Variants in C3orf70 observed in about 807,000 individuals in gnomAD.
C3orf70 encodes the protein chromosome 3 open reading frame 70.
C3orf70 carries 15 observed loss-of-function variants against 20.7 expected under a neutral mutation model. The ratio of observed to expected loss-of-function variants is 0.72; its 90% CI spans 0.48 to 1.11. C3orf70 has a LOEUF of 1.11. Among genes scored for constraint, C3orf70 ranks in the 50% most tolerant of loss-of-function variants. The pLI, the probability that C3orf70 is intolerant of heterozygous loss-of-function variation, is 0.00. For synonymous variants in C3orf70, 161 were observed against 125.7 expected, an observed-to-expected ratio of 1.28 and a Z score of -1.88; for missense variants, 332 against 317.6, an observed-to-expected ratio of 1.05 and a Z score of -0.34.
intron 1 of C3orf70, among the ~76,000 whole-genome samples, chr3:185,151,679 A>C (rs1716992551): frequency 6.6e-6 from 1 of 152,216 alleles, no homozygotes. Flanking sequence ...TTTTCTCAAC[A>C]AAGAAAAATT....
chr3:185,148,500 A>G (rs1042138978), intron 1 of C3orf70, among the ~76,000 whole-genome samples: 1 of 152,150 alleles, frequency 6.6e-6, no homozygotes, highest in African/African-American at 2.4e-5. Context: ...ATACACTCTT[A>G]TCTCCACCTC....
rs184278836 is a variant in C3orf70, at chr3:185,128,652, C to T, written c.196+23976G>A. Among the ~76,000 whole-genome samples, 5 of 151,634 alleles carry T rather than the reference C, an allele frequency of 3.3e-5. No homozygotes were observed. The South Asian group carries it at 8.4e-4, about 26-fold the overall frequency. Reference sequence around the variant, plus strand: ...TTGAAGGCTACTTAGTCCAGAAAAACATAACTTTGTTTTATGATAATGTTG... The same window carrying T: ...TTGAAGGCTACTTAGTCCAGAAAAATATAACTTTGTTTTATGATAATGTTG... On this transcript the variant is annotated intron_variant, in intron 1 of 1. Coordinates refer to ENST00000335012, the MANE Select transcript of C3orf70 (RefSeq NM_001025266.3).
At chr3:185,118,454 G>T (rs1006186564) in intron 1 of C3orf70, among the ~76,000 whole-genome samples, 16 of 152,122 alleles carry the variant, frequency 1.1e-4, no homozygotes, top group Non-Finnish European at 1.3e-4. Flanking sequence ...AATGACAAGG[G>T]CTGTGTCTTT....
rs201135656 is a variant in C3orf70 at position 185,117,446 on chromosome 3, C to G, written c.197-33883G>C. 1.0e-3 allele frequency among the ~76,000 whole-genome samples: 132 copies of G among 132,172 alleles called. 2 individuals carry two copies. Among genetic ancestry groups the G allele is most frequent in the African/African-American group, 4.1e-3 (117 of 28,882 alleles). 86.7% of individuals were successfully genotyped at this position (132,172 alleles called of 152,430 possible). A position where few individuals can be genotyped will look rare whatever the true frequency, so the allele number is the denominator to read the frequency against. On this transcript the variant is annotated intron_variant, in intron 1 of 1. Transcript: ENST00000335012. Reference sequence around the variant, plus strand: ...ACACACACACACACACACACACACACACACAGAAAGAGAGAGAGAGAGAGA... The same window carrying G: ...ACACACACACACACACACACACACAGACACAGAAAGAGAGAGAGAGAGAGA...
chr3:185,095,210 A>G (rs549875384), intron 1 of C3orf70, among the ~76,000 whole-genome samples: 2 of 152,358 alleles, frequency 1.3e-5, no homozygotes, highest in Admixed American at 6.5e-5. Context: ...CTTCTCTGCA[A>G]AAATCACTAG....
chr3:185,097,514 C>G (rs529680170), intron 1 of C3orf70, among the ~76,000 whole-genome samples: 1 of 152,280 alleles, frequency 6.6e-6, no homozygotes, highest in South Asian at 2.1e-4. Flanking sequence ...AAAGAACAAG[C>G]TTAGGAAAAG....
At chr3:185,095,050 A>T (rs897203732) in intron 1 of C3orf70, among the ~76,000 whole-genome samples, 1 of 152,222 alleles carries the variant, frequency 6.6e-6, no homozygotes, top group Non-Finnish European at 1.5e-5. Context: ...TGTTGTTACA[A>T]GGAGAGAAAA....
chr3:185,113,285 C>CAAAAAAAA (rs55966497), intron 1 of C3orf70, among the ~76,000 whole-genome samples: 109,030 of 138,050 alleles, frequency 0.79, 43,142 homozygotes, highest in East Asian at 0.88. Context: ...CTAAAAAATA[C>CAAAAAAAA]AAAAAAGAAA....
rs1332637068 is a variant in C3orf70, at chr3:185,077,097, T to C, written c.*5910A>G. ...AAGAAGCAATGGCCTCATCAGAGCATAGAGATATTTGCAGAGACATGGTAT... is the reference window on the plus strand; with the variant it reads ...AAGAAGCAATGGCCTCATCAGAGCACAGAGATATTTGCAGAGACATGGTAT... On this transcript the variant is annotated 3_prime_UTR_variant, in exon 2 of 2. Transcript: ENST00000335012. Among the ~76,000 whole-genome samples, 6 of 151,600 alleles carry C rather than the reference T, an allele frequency of 4.0e-5. No homozygotes were observed. Among genetic ancestry groups the C allele is most frequent in the Non-Finnish European group, 7.4e-5 (5 of 67,944 alleles).
intron 1 of C3orf70, among the ~76,000 whole-genome samples, chr3:185,146,084 T>C (rs1716869258): frequency 6.6e-6 from 1 of 151,988 alleles, no homozygotes; most frequent in South Asian, 2.1e-4. Context: ...GCTTTCTCTG[T>C]CTCTGGAAGA....
intron 1 of C3orf70, among the ~76,000 whole-genome samples, chr3:185,131,594 G>A (rs565257862): frequency 8.4e-4 from 128 of 152,218 alleles, no homozygotes; most frequent in Non-Finnish European, 1.6e-3. Flanking sequence ...GGTATACCAG[G>A]CAACCTGAAT....
chr3:185,124,703 T>C (rs1716372572), intron 1 of C3orf70, among the ~76,000 whole-genome samples: 1 of 152,094 alleles, frequency 6.6e-6, no homozygotes, highest in South Asian at 2.1e-4. Context: ...CATTACAATG[T>C]AAAACTCCTC....
At chr3:185,147,307 C>T (rs1036690124) in intron 1 of C3orf70, among the ~76,000 whole-genome samples, 6 of 152,172 alleles carry the variant, frequency 3.9e-5, no homozygotes, top group Non-Finnish European at 8.8e-5. Flanking sequence ...CCCACTCAGC[C>T]CCACCTGTCA....
chr3:185,083,469 G>C lies in C3orf70; in HGVS notation c.291C>G (p.Ile97Met), dbSNP rs1359775469. 1 of 1,614,124 alleles carries C rather than the reference G, an allele frequency of 6.2e-7. No homozygotes were observed. Among genetic ancestry groups the C allele is most frequent in the South Asian group, 1.1e-5 (1 of 91,068 alleles). ...AAAAGTGTTCGGTGAGCGAGACTGAGATCTGAATGGTGTTTGTGGGTTCCC... is the reference window on the plus strand; with the variant it reads ...AAAAGTGTTCGGTGAGCGAGACTGACATCTGAATGGTGTTTGTGGGTTCCC... Reference protein sequence around the residue: ...RPREPTNTIQISVSLTEHFLK... With the variant: ...RPREPTNTIQMSVSLTEHFLK... Residue 97 changes from isoleucine (I) to methionine (M), a missense_variant, in exon 2 of 2, where the codon ATC (isoleucine) becomes ATG (methionine). By Grantham distance (10) the Ile-to-Met change is conservative. Transcript: ENST00000335012.
chr3:185,118,676 T>A (rs146222001), intron 1 of C3orf70, among the ~76,000 whole-genome samples: 3 of 152,170 alleles, frequency 2.0e-5, no homozygotes, highest in Admixed American at 1.3e-4. Flanking sequence ...CTAAAAAAAA[T>A]TGCATACTTT....
chr3:185,086,012 T>G (rs965110457), intron 1 of C3orf70, among the ~76,000 whole-genome samples: 1 of 152,162 alleles, frequency 6.6e-6, no homozygotes, highest in Admixed American at 6.5e-5. Context: ...GCTGATTAGG[T>G]TCATCCTGCC....
intron 1 of C3orf70, among the ~76,000 whole-genome samples, chr3:185,132,822 C>T (rs1403026915): frequency 2.0e-5 from 3 of 152,038 alleles, no homozygotes; most frequent in South Asian, 2.1e-4. Context: ...TACAGACACA[C>T]AGAGAAATGT....
In C3orf70 at chr3:185,121,515, G is replaced by A. The variant is rs573023635; in HGVS notation, c.196+31113C>T. On this transcript the variant is annotated intron_variant, in intron 1 of 1. Transcript: ENST00000335012. Reference sequence around the variant, plus strand: ...ATAGCATGAGAGGCTGAAAGGGGGAGGATGGCAGATGCCACAGGGTATGAG... The same window carrying A: ...ATAGCATGAGAGGCTGAAAGGGGGAAGATGGCAGATGCCACAGGGTATGAG... Among the ~76,000 whole-genome samples the A allele has an allele frequency of 7.2e-4, 109 of 152,232 alleles. 1 individual carries two copies. The South Asian group carries it at 0.022, about 30-fold the overall frequency.
chr3:185,077,099 G>C lies in C3orf70; in HGVS notation c.*5908C>G, dbSNP rs1379686164. Among the ~76,000 whole-genome samples the C allele has an allele frequency of 6.6e-6, 1 of 152,120 alleles. No individual in the cohort carries two copies. Among genetic ancestry groups the C allele is most frequent in the Non-Finnish European group, 1.5e-5 (1 of 68,036 alleles). On this transcript the variant is annotated 3_prime_UTR_variant, in exon 2 of 2. Coordinates refer to ENST00000335012, the MANE Select transcript of C3orf70 (RefSeq NM_001025266.3). The stretch of plus-strand genomic sequence containing the variant: ...GAAGCAATGGCCTCATCAGAGCATA[G>C]AGATATTTGCAGAGACATGGTATAG...
Sources: allele counts gnomAD v4.1 joint callset (sites outside exome capture counted in the v4.1 genomes callset), GRCh38; gene constraint gnomAD v4.1.1; transcripts MANE v1.5; gene names NCBI Gene and HGNC (gene_info 2026-07-23, HGNC 2026-07-21).